Variants in NAV3 observed in about 807,000 individuals in gnomAD.
The protein encoded by NAV3 is pore membrane and/or filament interacting like protein 1.
Under a neutral mutation model 244.7 loss-of-function variants are expected in NAV3, and 87 were observed. That is an observed-to-expected ratio of 0.36 (90% CI 0.30 to 0.42). NAV3 has a LOEUF of 0.42. Among genes scored for constraint, NAV3 ranks in the 20% least tolerant of loss-of-function variants. NAV3 has a pLI of 1.00. For missense variants in NAV3, 2,663 were observed against 2,893.3 expected, an observed-to-expected ratio of 0.92 and a Z score of 1.83; for synonymous variants, 1,126 against 1,042.2, an observed-to-expected ratio of 1.08 and a Z score of -1.55.
intron 2 of NAV3, among the ~76,000 whole-genome samples, chr12:77,725,770 T>G (rs1017200006): frequency 6.6e-6 from 1 of 151,944 alleles, no homozygotes; most frequent in African/African-American, 2.4e-5. Context: ...AATTCAGAAG[T>G]CCAAAATGGG....
intron 9 of NAV3, among the ~76,000 whole-genome samples, chr12:78,047,919 T>C (rs1882101187): frequency 6.6e-6 from 1 of 152,212 alleles, no homozygotes; most frequent in Non-Finnish European, 1.5e-5. Flanking sequence ...TTCATTCTTT[T>C]TTCTCTAATC....
At chr12:78,198,900 T>G in intron 36 of NAV3, among the ~76,000 whole-genome samples, 1 of 135,038 alleles carries the variant, frequency 7.4e-6, no homozygotes, top group South Asian at 2.6e-4. Flanking sequence ...TAATCAGATG[T>G]GTTTCTTTAA....
chr12:77,702,490 A>G (rs1204257464), intron 2 of NAV3, among the ~76,000 whole-genome samples: 1 of 151,782 alleles, frequency 6.6e-6, no homozygotes, highest in African/African-American at 2.4e-5. Flanking sequence ...TCTTGCTATT[A>G]GTTTTGTATT....
At chr12:77,657,658 A>C (rs2137019271) in intron 2 of NAV3, among the ~76,000 whole-genome samples, 1 of 152,366 alleles carries the variant, frequency 6.6e-6, no homozygotes, top group African/African-American at 2.4e-5. Context: ...CAACCAAAAA[A>C]GAGAATTTTA....
intron 9 of NAV3, among the ~76,000 whole-genome samples, chr12:78,024,021 T>A (rs977673435): frequency 2.0e-5 from 3 of 152,138 alleles, no homozygotes; most frequent in Non-Finnish European, 2.9e-5. Context: ...GCACTCTCAC[T>A]GATTATATAC....
chr12:77,732,453 G>A (rs920713068), intron 2 of NAV3, among the ~76,000 whole-genome samples: 10 of 151,936 alleles, frequency 6.6e-5, no homozygotes, highest in East Asian at 3.9e-4. Context: ...TCAGCAGTGC[G>A]TGTGAGCTGC....
At chr12:77,695,384 C>T (rs1221389251) in intron 2 of NAV3, among the ~76,000 whole-genome samples, 1 of 152,056 alleles carries the variant, frequency 6.6e-6, no homozygotes, top group East Asian at 1.9e-4. Context: ...CCAGTTTTTC[C>T]AGCACCATTT....
chr12:77,808,305 T>G (rs940301525), intron 2 of NAV3, among the ~76,000 whole-genome samples: 2 of 152,336 alleles, frequency 1.3e-5, no homozygotes, highest in East Asian at 1.9e-4. Flanking sequence ...TTCCTGATTT[T>G]CGTGGATTTA....
At chr12:77,805,623 A>T (rs950808331) in intron 2 of NAV3, among the ~76,000 whole-genome samples, 1 of 148,800 alleles carries the variant, frequency 6.7e-6, no homozygotes, top group Non-Finnish European at 1.5e-5. Flanking sequence ...TTGGGCTGAA[A>T]TTTTCTTTTT....
At chr12:78,095,098 T>TATATATACAC (rs1313180938) in intron 12 of NAV3, among the ~76,000 whole-genome samples, 1 of 143,572 alleles carries the variant, frequency 7.0e-6, no homozygotes, top group African/African-American at 2.5e-5. Flanking sequence ...CATATATATA[T>TATATATACAC]ACACATATAT....
chr12:78,151,169 C>T lies in NAV3; in HGVS notation c.4785+2250C>T, dbSNP rs74942305. Among the ~76,000 whole-genome samples the T allele has an allele frequency of 3.9e-3, 591 of 152,084 alleles. 4 individuals carry two copies. The highest frequency in any genetic ancestry group is 0.013 in the African/African-American group (556 of 41,522). ...AAAAAGTGCTAGTCTTGGAGACAAA[C>T]GCCCAAATTGCTCTAGGTTCCACTC... On this transcript the variant is annotated intron_variant, in intron 22 of 39. Transcript: ENST00000397909.
intron 8 of NAV3, among the ~76,000 whole-genome samples, chr12:78,016,868 T>C (rs574052889): frequency 6.6e-6 from 1 of 152,232 alleles, no homozygotes; most frequent in African/African-American, 2.4e-5. Context: ...GATCAGTACA[T>C]AAAGAATAAC....
At chr12:78,107,246 G>A (rs900824471) in intron 12 of NAV3, among the ~76,000 whole-genome samples, 3 of 152,056 alleles carry the variant, frequency 2.0e-5, no homozygotes, top group African/African-American at 4.8e-5. Flanking sequence ...TGACATTTGG[G>A]ATAACATTAA....
intron 5 of NAV3, among the ~76,000 whole-genome samples, chr12:77,980,726 C>CA (rs1869407715): frequency 6.6e-6 from 1 of 152,158 alleles, no homozygotes; most frequent in African/African-American, 2.4e-5. Flanking sequence ...ATCCACAGAA[C>CA]AGCATTGTAG....
At chr12:77,957,120 C>T (rs1891439830) in intron 3 of NAV3, among the ~76,000 whole-genome samples, 1 of 152,186 alleles carries the variant, frequency 6.6e-6, no homozygotes, top group African/African-American at 2.4e-5. Flanking sequence ...TAACTCCATT[C>T]TCCTCGCTGC....
At chr12:77,603,058 C>T (rs578131714) in intron 2 of NAV3, among the ~76,000 whole-genome samples, 2 of 152,132 alleles carry the variant, frequency 1.3e-5, no homozygotes, top group African/African-American at 4.8e-5. Flanking sequence ...TTATTCTTCT[C>T]TCTAGTCGTT....
intron 2 of NAV3, among the ~76,000 whole-genome samples, chr12:77,708,922 C>T (rs1875966919): frequency 6.6e-6 from 1 of 152,118 alleles, no homozygotes; most frequent in Non-Finnish European, 1.5e-5. Flanking sequence ...TATCCTGAGA[C>T]TTTGCTGAAG....
intron 11 of NAV3, among the ~76,000 whole-genome samples, chr12:78,058,736 A>G (rs978056143): frequency 6.6e-6 from 1 of 152,206 alleles, no homozygotes; most frequent in Non-Finnish European, 1.5e-5. Flanking sequence ...AATAGGTTCT[A>G]TGGTAGGCTA....
chr12:77,926,041 A>G (rs141518476), intron 1 of NAV3, among the ~76,000 whole-genome samples: 2,695 of 152,244 alleles, frequency 0.018, 35 homozygotes, highest in Non-Finnish European at 0.03. Context: ...TTTTTCCTGG[A>G]AATTTCTCTA....
Sources: gnomAD v4.1 joint callset for allele counts (sites outside exome capture counted in the v4.1 genomes callset) on GRCh38, gnomAD v4.1.1 for gene constraint, MANE v1.5 for transcripts, NCBI Gene and HGNC (gene_info 2026-07-23, HGNC 2026-07-21) for gene names.